TENM3: variants seen among roughly 807,000 people sequenced by gnomAD.
The protein encoded by TENM3 is teneurin transmembrane protein 3, also known as teneurin-3.
TENM3 carries 63 observed loss-of-function variants against 255.1 expected under a neutral mutation model. That is an observed-to-expected ratio of 0.25 (90% CI 0.20 to 0.30). The LOEUF is 0.30. Ranked by LOEUF, TENM3 falls within the 10% of genes least tolerant of loss-of-function variation. The pLI, the probability that TENM3 is intolerant of heterozygous loss-of-function variation, is 1.00. For synonymous variants in TENM3, 1,306 were observed against 1,322.3 expected, an observed-to-expected ratio of 0.99 and a Z score of 0.27; for missense variants, 2,929 against 3,461.1, an observed-to-expected ratio of 0.85 and a Z score of 3.86.
At chr4:182,302,050 AC>A (rs1761885250) in intron 1 of TENM3, among the ~76,000 whole-genome samples, 2 of 152,148 alleles carry the variant, frequency 1.3e-5, no homozygotes, top group Admixed American at 1.3e-4. Context: ...TGTTTTATCA[AC>A]CCTGCTAGCC....
chr4:181,729,887 G>C, the TENM3 span, among the ~76,000 whole-genome samples: 1 of 152,196 alleles, frequency 6.6e-6, no homozygotes, highest in African/African-American at 2.4e-5. Flanking sequence ...CTGGCCACAC[G>C]ATGTCTGAGA....
the TENM3 span, among the ~76,000 whole-genome samples, chr4:181,625,337 G>A: frequency 6.6e-6 from 1 of 152,160 alleles, no homozygotes; most frequent in African/African-American, 2.4e-5. Flanking sequence ...ATGGATTGCA[G>A]TCTGGAAAAT....
the TENM3 span, among the ~76,000 whole-genome samples, chr4:181,696,156 G>A: frequency 6.6e-6 from 1 of 152,092 alleles, no homozygotes; most frequent in African/African-American, 2.4e-5. Context: ...TCCAGCTATC[G>A]ATGTACATGA....
At chr4:181,479,280 C>T in the TENM3 span, among the ~76,000 whole-genome samples, 1 of 152,140 alleles carries the variant, frequency 6.6e-6, no homozygotes, top group Non-Finnish European at 1.5e-5. Flanking sequence ...GTATACATGT[C>T]ACAAAAGGCA....
chr4:182,618,541 T>G (rs942510698), intron 4 of TENM3, among the ~76,000 whole-genome samples: 7 of 151,998 alleles, frequency 4.6e-5, no homozygotes, highest in African/African-American at 1.7e-4. Flanking sequence ...GTAAGTTTTA[T>G]GCTTATTACT....
chr4:182,679,063 GTCA>G, intron 7 of TENM3, among the ~76,000 whole-genome samples: 2 of 152,274 alleles, frequency 1.3e-5, no homozygotes, highest in South Asian at 2.1e-4. Context: ...CTGTCAGGGT[GTCA>G]GGGGCTAGGG....
At chr4:182,484,553 G>A (rs1283595884) in intron 3 of TENM3, among the ~76,000 whole-genome samples, 3 of 152,212 alleles carry the variant, frequency 2.0e-5, no homozygotes, top group African/African-American at 7.2e-5. Flanking sequence ...CTTTGAATAC[G>A]ATTAATTTTG....
At chr4:182,725,973 G>A (rs1015492390) in intron 13 of TENM3, among the ~76,000 whole-genome samples, 4 of 151,926 alleles carry the variant, frequency 2.6e-5, no homozygotes, top group African/African-American at 9.7e-5. Context: ...CTTTTTTCCA[G>A]AGAAATAAAC....
At chr4:182,003,809 T>C in the TENM3 span, among the ~76,000 whole-genome samples, 1 of 152,282 alleles carries the variant, frequency 6.6e-6, no homozygotes, top group Middle Eastern at 3.4e-3. Context: ...CTTTTAGTCT[T>C]ATAGTTCTTT....
chr4:182,305,121 C>T (rs1168564714), intron 1 of TENM3, among the ~76,000 whole-genome samples: 1 of 151,950 alleles, frequency 6.6e-6, no homozygotes, highest in East Asian at 1.9e-4. Context: ...GACTCAGGTC[C>T]ACTACAGCAA....
the TENM3 span, among the ~76,000 whole-genome samples, chr4:182,100,806 T>TATATAC: frequency 8.4e-4 from 5 of 5,930 alleles, 1 homozygote; most frequent in Non-Finnish European, 1.9e-3. Flanking sequence ...CACATATATA[T>TATATAC]ACACATATAT....
intron 2 of TENM3, among the ~76,000 whole-genome samples, chr4:182,345,124 A>G (rs938099250): frequency 6.6e-6 from 1 of 152,154 alleles, no homozygotes; most frequent in Non-Finnish European, 1.5e-5. Flanking sequence ...ATTATTTATG[A>G]GTGTCATTGT....
chr4:182,349,773 T>A, intron 3 of TENM3: 1 of 296,778 alleles, frequency 3.4e-6, no homozygotes, highest in South Asian at 3.0e-5. Flanking sequence ...AGCTATAGAT[T>A]TTCTGGTTAT....
At chr4:182,090,997 T>C in the TENM3 span, among the ~76,000 whole-genome samples, 1 of 152,256 alleles carries the variant, frequency 6.6e-6, no homozygotes, top group Non-Finnish European at 1.5e-5. Flanking sequence ...ATACATTAGA[T>C]GCTTTAACAA....
At chr4:181,478,169 CA>C in the TENM3 span, among the ~76,000 whole-genome samples, 4 of 152,124 alleles carry the variant, frequency 2.6e-5, no homozygotes, top group African/African-American at 9.7e-5. Flanking sequence ...ACATTCTCTT[CA>C]AAAAGCCACA....
intron 6 of TENM3, among the ~76,000 whole-genome samples, chr4:182,664,884 T>G (rs1754527859): frequency 6.6e-6 from 1 of 152,158 alleles, no homozygotes; most frequent in African/African-American, 2.4e-5. Flanking sequence ...TTAGCAAAGG[T>G]TGGTTCATGA....
intron 3 of TENM3, among the ~76,000 whole-genome samples, chr4:182,544,323 A>AT (rs35639483): frequency 0.27 from 18,617 of 69,314 alleles, 5,281 homozygotes; most frequent in Non-Finnish European, 0.36. Context: ...AGCATTGTGG[A>AT]TTTTTTTTTT....
At chr4:181,752,277 A>C in the TENM3 span, among the ~76,000 whole-genome samples, 2 of 152,174 alleles carry the variant, frequency 1.3e-5, no homozygotes, top group African/African-American at 4.8e-5. Context: ...AATGGAATGT[A>C]GGTATCTTTC....
At chr4:181,860,513 A>G in the TENM3 span, among the ~76,000 whole-genome samples, 2 of 152,232 alleles carry the variant, frequency 1.3e-5, no homozygotes, top group Non-Finnish European at 2.9e-5. Context: ...GATTTGTGGT[A>G]ATAGAGGATT....
Sources: allele counts gnomAD v4.1 joint callset (sites outside exome capture counted in the v4.1 genomes callset), GRCh38; gene constraint gnomAD v4.1.1; transcripts MANE v1.5; gene names NCBI Gene and HGNC (gene_info 2026-07-23, HGNC 2026-07-21).